Variants in MAP3K4 observed in about 807,000 individuals in gnomAD.
MAP3K4 encodes MAP three kinase 1.
A neutral mutation model predicts 185.6 loss-of-function variants in MAP3K4; 67 were observed. The ratio of observed to expected loss-of-function variants is 0.36; its 90% CI spans 0.30 to 0.44. The LOEUF is 0.44. Ranked by LOEUF, MAP3K4 falls within the 20% of genes least tolerant of loss-of-function variation. The probability of loss-of-function intolerance (pLI) is 1.00; values close to 1 mark genes in which losing one functional copy is unlikely to be tolerated. For synonymous variants in MAP3K4, 702 were observed against 710.4 expected, an observed-to-expected ratio of 0.99 and a Z score of 0.19; for missense variants, 1,551 against 1,995.1, an observed-to-expected ratio of 0.78 and a Z score of 4.24.
chr6:161,108,326 A>G lies in MAP3K4; in HGVS notation c.4119+357A>G, dbSNP rs1778194950. Among the ~76,000 whole-genome samples the G allele has an allele frequency of 6.6e-6, 1 of 152,250 alleles. No individual in the cohort carries two copies. The highest frequency in any genetic ancestry group is 2.4e-5 in the African/African-American group (1 of 41,462). ...ACATTTATGATAAGCTTCAGAAACA[A>G]GTGGCATTGAAACCGCTGGAGGTAG... On this transcript the variant is annotated intron_variant, in intron 21 of 26. Transcript: ENST00000392142. This position sits in a 1 kb window ranked among gnomAD's most constrained non-coding sequence, Gnocchi z 5.7.
Position 160,991,949 on chromosome 6 carries a change from C to A in MAP3K4, c.18C>A (p.Ala6=). The part of the protein sequence containing the change: MREAA[A]ALVPPPAFAV... ...GTGCACGGATGAGAGAAGCCGCTGC[C>A]GCGCTGGTCCCTCCTCCCGCCTTTG... Residue 6 remains alanine, a synonymous_variant, in exon 1 of 27, where the codon GCC becomes GCA. Transcript: ENST00000392142. The surrounding 1 kb of genome is among the most constrained non-coding windows in gnomAD (Gnocchi z 5.7). The A allele has an allele frequency of 6.5e-7, 1 of 1,543,602 alleles. No homozygotes were observed. The highest frequency in any genetic ancestry group is 1.9e-5 in the Admixed American group (1 of 53,060).
At chr6:161,009,236 G>A (rs899329850) in intron 1 of MAP3K4, among the ~76,000 whole-genome samples, 8 of 152,002 alleles carry the variant, frequency 5.3e-5, no homozygotes, top group South Asian at 2.1e-4. Context: ...CACCCGCCTC[G>A]GCCTCCCAAA....
Position 161,101,776 on chromosome 6 carries a change from T to C in MAP3K4, c.3675-116T>C. On this transcript the variant is annotated intron_variant, in intron 17 of 26. Transcript: ENST00000392142. The surrounding 1 kb of genome is among the most constrained non-coding windows in gnomAD (Gnocchi z 5.1). Reference sequence around the variant, plus strand: ...TAATACATTGCTGGAGGCAGAGTTGTTCCTGGCAGGCAGAGTTGCCCCCAG... The same window carrying C: ...TAATACATTGCTGGAGGCAGAGTTGCTCCTGGCAGGCAGAGTTGCCCCCAG... 1.2e-6 allele frequency: 1 copy of C among 810,320 alleles called. No individual in the cohort carries two copies. The highest frequency in any genetic ancestry group is 2.0e-6 in the Non-Finnish European group (1 of 501,150). 50.2% of individuals were successfully genotyped at this position (810,320 alleles called of 1,614,324 possible).
chr6:161,073,647 CTTTG>C lies in MAP3K4; in HGVS notation c.2097+39_2097+42del, dbSNP rs546909639. On this transcript the variant is annotated intron_variant, in intron 5 of 26. Transcript: ENST00000392142. The surrounding 1 kb of genome is among the most constrained non-coding windows in gnomAD (Gnocchi z 4.2). ...AGTGGGGAGGAATTTTTCTTTCTTT[CTTTG>C]TTTCTTTTTTTAAAAAAGTAAGCCT... The C allele has an allele frequency of 1.6e-4, 247 of 1,584,394 alleles. No homozygotes were observed. The highest frequency in any genetic ancestry group is 2.0e-4 in the Non-Finnish European group (228 of 1,166,226).
In MAP3K4 at chr6:161,008,447, T is replaced by C. The variant is rs1583100610; in HGVS notation, c.152+16364T>C. On this transcript the variant is annotated intron_variant, in intron 1 of 26. Transcript: ENST00000392142. The surrounding 1 kb of genome is among the most constrained non-coding windows in gnomAD (Gnocchi z 4.1). Reference sequence around the variant, plus strand: ...ATAATCCATTTTATTCTTTACAGAATTTTACATACCGAGTTTTACGTATAA... The same window carrying C: ...ATAATCCATTTTATTCTTTACAGAACTTTACATACCGAGTTTTACGTATAA... Among the ~76,000 whole-genome samples, 1 of 152,194 alleles carries C rather than the reference T, an allele frequency of 6.6e-6. No homozygotes were observed. Among genetic ancestry groups the C allele is most frequent in the African/African-American group, 2.4e-5 (1 of 41,452 alleles).
chr6:161,011,086 G>A (rs1583104613), intron 1 of MAP3K4, among the ~76,000 whole-genome samples: 1 of 152,104 alleles, frequency 6.6e-6, no homozygotes, highest in East Asian at 1.9e-4. Flanking sequence ...AAGGAGTTAG[G>A]GACTACAAAG....
Position 161,098,158 on chromosome 6 carries a change from G to T in MAP3K4, c.3525-120G>T, listed in dbSNP as rs1777654262. The T allele has an allele frequency of 8.6e-7, 1 of 1,169,430 alleles. No individual in the cohort carries two copies. Among genetic ancestry groups the T allele is most frequent in the Non-Finnish European group, 1.2e-6 (1 of 836,888 alleles). The allele number at this position is 1,169,430 out of a possible 1,614,324, so 72.4% of individuals were successfully genotyped here. ...AGACTCAAATCTCAAAGAACAATTT[G>T]CATTTTATATTTTTAAATATATTTC... is the stretch of plus-strand genomic sequence containing the variant. On this transcript the variant is annotated intron_variant, in intron 16 of 26. Transcript: ENST00000392142. This position sits in a 1 kb window ranked among gnomAD's most constrained non-coding sequence, Gnocchi z 4.4.
chr6:161,039,730 TAA>T (rs1161872601), intron 2 of MAP3K4, among the ~76,000 whole-genome samples: 3 of 152,196 alleles, frequency 2.0e-5, no homozygotes, highest in African/African-American at 7.2e-5. Context: ...TTTGTAAAGA[TAA>T]GAGAGATGCA....
At chr6:161,000,853 A>G (rs1431439711) in intron 1 of MAP3K4, among the ~76,000 whole-genome samples, 2 of 144,158 alleles carry the variant, frequency 1.4e-5, no homozygotes, top group Admixed American at 6.8e-5. Flanking sequence ...GTACGCACAT[A>G]TACACATGTG....
intron 1 of MAP3K4, among the ~76,000 whole-genome samples, chr6:161,033,390 A>G (rs1019096800): frequency 2.0e-5 from 3 of 152,358 alleles, no homozygotes; most frequent in Admixed American, 6.5e-5. Context: ...GCTTTGAGAA[A>G]TTGAACTTTG....
Position 161,048,599 on chromosome 6 carries a change from ATT to A in MAP3K4, c.344-7_344-6del, listed in dbSNP as rs564402872. 2.5e-5 allele frequency: 30 copies of A among 1,182,804 alleles called. No homozygotes were observed. The highest frequency in any genetic ancestry group is 6.3e-5 in the African/African-American group (4 of 63,996). 73.3% of individuals were successfully genotyped at this position (1,182,804 alleles called of 1,614,324 possible). Reference sequence around the variant, plus strand: ...TTTAGAGTTATATAATGTTCTGTTTATTTTTTTTTTTAATAGAAAAAATGAAT... The same window carrying A: ...TTTAGAGTTATATAATGTTCTGTTTATTTTTTTTTAATAGAAAAAATGAAT... On this transcript the variant is annotated splice_polypyrimidine_tract_variant and intron_variant, in intron 2 of 26. Transcript: ENST00000392142. The surrounding 1 kb of genome is among the most constrained non-coding windows in gnomAD (Gnocchi z 4.7).
At position 161,070,053 on chromosome 6, in the gene MAP3K4, C is replaced by A. The variant is rs1382668440; in HGVS notation, c.1708-555C>A. On this transcript the variant is annotated intron_variant, in intron 3 of 26. Coordinates refer to ENST00000392142, the MANE Select transcript of MAP3K4 (RefSeq NM_005922.4). The surrounding 1 kb of genome is among the most constrained non-coding windows in gnomAD (Gnocchi z 4.5). ...AAACGGATAACTGAGTCATGCCAAC[C>A]AGGTTGATCTTAACGATTTTTTAAT... Among the ~76,000 whole-genome samples, 1 of 152,168 alleles carries A rather than the reference C, an allele frequency of 6.6e-6. No homozygotes were observed. The highest frequency in any genetic ancestry group is 2.4e-5 in the African/African-American group (1 of 41,424).
chr6:161,059,142 ATTT>A (rs140627063), intron 3 of MAP3K4, among the ~76,000 whole-genome samples: 1 of 149,930 alleles, frequency 6.7e-6, no homozygotes, highest in South Asian at 2.1e-4. Flanking sequence ...TGATTGATTG[ATTT>A]TTTTTTTTAA....
At chr6:160,992,142 C>T in intron 1 of MAP3K4, 59 bp downstream of exon 1, 1 of 1,458,332 alleles carries the variant, frequency 6.9e-7, no homozygotes. Context: ...CTGGCCCGAA[C>T]TCGGTCGGGC....
chr6:161,062,465 A>AT (rs1435232714), intron 3 of MAP3K4, among the ~76,000 whole-genome samples: 1 of 152,154 alleles, frequency 6.6e-6, no homozygotes, highest in Non-Finnish European at 1.5e-5. Context: ...TTAAAGGCTC[A>AT]TTTTTAATTA....
In MAP3K4 at chr6:161,056,420, C is replaced by T. The variant is rs971880448; in HGVS notation, c.1707+6441C>T. ...AGGTATGTCTTCTAACCTGTGTATA[C>T]ACACAGATTTATAATTCCCTATCTA... On this transcript the variant is annotated intron_variant, in intron 3 of 26. Coordinates refer to ENST00000392142, the MANE Select transcript of MAP3K4 (RefSeq NM_005922.4). The surrounding 1 kb of genome is among the most constrained non-coding windows in gnomAD (Gnocchi z 5.4). Among the ~76,000 whole-genome samples, 1 of 152,130 alleles carries T rather than the reference C, an allele frequency of 6.6e-6. No homozygotes were observed. Among genetic ancestry groups the T allele is most frequent in the Admixed American group, 6.5e-5 (1 of 15,270 alleles).
chr6:161,067,349 A>G lies in MAP3K4; in HGVS notation c.1708-3259A>G, dbSNP rs1784758039. The G allele has an allele frequency of 2.7e-6, 1 of 376,598 alleles. No individual in the cohort carries two copies. Among genetic ancestry groups the G allele is most frequent in the African/African-American group, 2.1e-5 (1 of 47,878 alleles). 23.3% of individuals were successfully genotyped at this position (376,598 alleles called of 1,614,324 possible). ...TTTTGAATTTCTGATTAGCTTCCTT[A>G]TGCATCGATCTCAGTGAGCAGAGGG... On this transcript the variant is annotated intron_variant, in intron 3 of 26. Coordinates refer to ENST00000392142, the MANE Select transcript of MAP3K4 (RefSeq NM_005922.4). This position sits in a 1 kb window ranked among gnomAD's most constrained non-coding sequence, Gnocchi z 6.3.
intron 23 of MAP3K4, 131 bp from the exon 24 acceptor site, chr6:161,111,705 T>C: frequency 1.1e-6 from 1 of 936,142 alleles, no homozygotes; most frequent in South Asian, 1.8e-5. Context: ...GATTACACTT[T>C]GTAAGTCAAG....
At chr6:161,020,866 T>C in intron 1 of MAP3K4, among the ~76,000 whole-genome samples, 1 of 152,222 alleles carries the variant, frequency 6.6e-6, no homozygotes, top group Admixed American at 6.5e-5. Flanking sequence ...TAAAACTATA[T>C]GTGGTATTTA....
Sources: gnomAD v4.1 joint callset for allele counts (sites outside exome capture counted in the v4.1 genomes callset) on GRCh38, gnomAD v4.1.1 for gene constraint, Gnocchi (gnomAD v3.1) non-coding constraint, MANE v1.5 for transcripts, NCBI Gene and HGNC (gene_info 2026-07-23, HGNC 2026-07-21) for gene names.